GGA1: variants seen among roughly 807,000 people sequenced by gnomAD.
The protein encoded by GGA1 is golgi associated, gamma adaptin ear containing, ARF binding protein 1.
A neutral mutation model predicts 76.9 loss-of-function variants in GGA1; 18 were observed. The ratio of observed to expected loss-of-function variants is 0.23; its 90% CI spans 0.16 to 0.35. GGA1 has a LOEUF of 0.35. GGA1 is among the 10% of genes least tolerant of loss of function. The pLI, the probability that GGA1 is intolerant of heterozygous loss-of-function variation, is 1.00. For synonymous variants in GGA1, 342 were observed against 354.7 expected (o/e 0.96, Z 0.40); for missense variants, 755 against 859.0 (o/e 0.88, Z 1.51).
chr22:37,618,713 CCT>C (rs1929279480), intron 4 of GGA1, among the ~76,000 whole-genome samples, 167 bp downstream of exon 4: 1 of 152,170 alleles, frequency 6.6e-6, no homozygotes, highest in Non-Finnish European at 1.5e-5. Context: ...TTCTCACAGT[CCT>C]CTCATACCTG....
Position 37,619,213 on chromosome 22 carries a change from A to G in GGA1, c.303+667A>G, listed in dbSNP as rs553321356. Among the ~76,000 whole-genome samples, 32 of 149,868 alleles carry G rather than the reference A, an allele frequency of 2.1e-4. No individual in the cohort carries two copies. The South Asian group carries it at 6.6e-3, about 31-fold the overall frequency. On this transcript the variant is annotated intron_variant, in intron 4 of 16. Coordinates refer to ENST00000343632, the MANE Select transcript of GGA1 (RefSeq NM_013365.5). Reference sequence around the variant, plus strand: ...CCCAAGTAGCTGGGATTGCAGGTGCACGCCACCATGCCCGGCTAATTTTTT... The same window carrying G: ...CCCAAGTAGCTGGGATTGCAGGTGCGCGCCACCATGCCCGGCTAATTTTTT...
Position 37,623,187 on chromosome 22 carries a change from G to GC in GGA1, c.610-139dup, listed in dbSNP as rs952622852. 1.0e-4 allele frequency: 86 copies of GC among 829,110 alleles called. 1 individual carries two copies. The Admixed American group carries it at 1.4e-3, about 14-fold the overall frequency. The allele number at this position is 829,110 out of a possible 1,614,324, so 51.4% of individuals were successfully genotyped here. ...GCATGAGGGGCTCCTGGCAGGGCCT[G>GC]CTGGAGCCCCACCCAGAGTGTGATC... On this transcript the variant is annotated intron_variant, in intron 7 of 16. Coordinates refer to ENST00000343632, the MANE Select transcript of GGA1 (RefSeq NM_013365.5). This position sits in a 1 kb window ranked among gnomAD's most constrained non-coding sequence, Gnocchi z 4.6.
rs542109262 is a variant in GGA1 at position 37,632,960 on chromosome 22, T to C, written c.*249T>C. The C allele has an allele frequency of 3.7e-6, 2 of 534,452 alleles. No individual in the cohort carries two copies. The highest frequency in any genetic ancestry group is 6.8e-6 in the Non-Finnish European group (2 of 295,856). The allele number at this position is 534,452 out of a possible 1,614,324, so 33.1% of individuals were successfully genotyped here. A position where few individuals can be genotyped will look rare whatever the true frequency, so the allele number is the denominator to read the frequency against. ...CGCTGGGGTCTCCATCACCGGGACC[T>C]GGAGAGGGAGGGGCTGTGTAGCCTT... On this transcript the variant is annotated 3_prime_UTR_variant, in exon 17 of 17. Transcript: ENST00000343632. The surrounding 1 kb of genome is among the most constrained non-coding windows in gnomAD (Gnocchi z 5.1).
At position 37,608,885 on chromosome 22, in the gene GGA1, A is replaced by C; in HGVS notation, c.25A>C (p.Thr9Pro). 1 of 1,301,856 alleles carries C rather than the reference A, an allele frequency of 7.7e-7. No homozygotes were observed. Among genetic ancestry groups the C allele is most frequent in the Non-Finnish European group, 9.7e-7 (1 of 1,026,244 alleles). 80.6% of individuals were successfully genotyped at this position (1,301,856 alleles called of 1,614,324 possible). A position where few individuals can be genotyped will look rare whatever the true frequency, so the allele number is the denominator to read the frequency against. Residue 9 changes from threonine (T) to proline (P), a missense_variant, in exon 1 of 17, where the codon ACT (threonine) becomes CCT (proline). Transcript: ENST00000343632. MEPAMEPETLEARINRATN... is the reference protein window; with the variant it reads MEPAMEPEPLEARINRATN... ...GATGGAGCCCGCGATGGAGCCGGAG[A>C]CTCTGGAGGCGCGAATCAGTGAGTG...
intron 14 of GGA1, among the ~76,000 whole-genome samples, chr22:37,631,545 C>T (rs547367823): frequency 3.2e-4 from 48 of 152,334 alleles, no homozygotes; most frequent in African/African-American, 1.1e-3. Flanking sequence ...GCATTGCCCT[C>T]TATGAGCTCC....
chr22:37,615,861 G>A (rs944025354), intron 2 of GGA1, among the ~76,000 whole-genome samples: 2 of 150,616 alleles, frequency 1.3e-5, no homozygotes, highest in African/African-American at 4.9e-5. Context: ...TTTTTTTTGA[G>A]ATGGAGTCTC....
chr22:37,623,257 T>C lies in GGA1; in HGVS notation c.610-70T>C. On this transcript the variant is annotated intron_variant, in intron 7 of 16. Coordinates refer to ENST00000343632, the MANE Select transcript of GGA1 (RefSeq NM_013365.5). This position sits in a 1 kb window ranked among gnomAD's most constrained non-coding sequence, Gnocchi z 4.6. ...AACCCAGATCCCAGCACACATTCTC[T>C]CAAGTGGCAGGGGGCAGTGCCTCGT... 1 of 1,426,162 alleles carries C rather than the reference T, an allele frequency of 7.0e-7. No homozygotes were observed. The highest frequency in any genetic ancestry group is 9.9e-7 in the Non-Finnish European group (1 of 1,010,616). 88.3% of individuals were successfully genotyped at this position (1,426,162 alleles called of 1,614,324 possible). A position where few individuals can be genotyped will look rare whatever the true frequency, so the allele number is the denominator to read the frequency against.
In GGA1 at chr22:37,632,024, C is replaced by T. The variant is rs746964775; in HGVS notation, c.1557C>T (p.Asp519=). 2.2e-5 allele frequency: 36 copies of T among 1,612,682 alleles called. No individual in the cohort carries two copies. In the East Asian group the frequency reaches 8.0e-4, roughly 36 times the overall value. ...ACATCCTGCCCGTGACTGTGTATGACCAGCACGGCTTCCGCATCCTCTTCC... is the reference window on the plus strand; with the variant it reads ...ACATCCTGCCCGTGACTGTGTATGATCAGCACGGCTTCCGCATCCTCTTCC... ...PSNILPVTVY[D]QHGFRILFHF... The change falls in exon 15 of 17, where the codon GAC becomes GAT. Residue 519 remains aspartate (D), a synonymous_variant. Transcript: ENST00000343632. The surrounding 1 kb of genome is among the most constrained non-coding windows in gnomAD (Gnocchi z 5.1).
Position 37,623,242 on chromosome 22 carries a change from C to T in GGA1, c.610-85C>T. The T allele has an allele frequency of 1.5e-6, 2 of 1,309,244 alleles. No homozygotes were observed. Among genetic ancestry groups the T allele is most frequent in the Non-Finnish European group, 2.2e-6 (2 of 906,804 alleles). 81.1% of individuals were successfully genotyped at this position (1,309,244 alleles called of 1,614,324 possible). A position where few individuals can be genotyped will look rare whatever the true frequency, so the allele number is the denominator to read the frequency against. On this transcript the variant is annotated intron_variant, in intron 7 of 16. Transcript: ENST00000343632. This position sits in a 1 kb window ranked among gnomAD's most constrained non-coding sequence, Gnocchi z 4.6. ...AGTCACCCAGCTGTCAACCCAGATC[C>T]CAGCACACATTCTCTCAAGTGGCAG...
chr22:37,625,023 A>G lies in GGA1; in HGVS notation c.887A>G (p.Gln296Arg), dbSNP rs1449342581. ...NLTQVINLYK[Q>R]LVRGEEVNGD... Reference sequence around the variant, plus strand: ...ACCCAGGTGATCAACCTGTATAAGCAGCTGGTGCGGGGTGAGGAGGTCAAC... The same window carrying G: ...ACCCAGGTGATCAACCTGTATAAGCGGCTGGTGCGGGGTGAGGAGGTCAAC... The change falls in exon 10 of 17, where the codon CAG (glutamine) becomes CGG (arginine). Residue 296 changes from glutamine to arginine, a missense_variant. Transcript: ENST00000343632. This position sits in a 1 kb window ranked among gnomAD's most constrained non-coding sequence, Gnocchi z 4.1. 3 of 1,602,978 alleles carry G rather than the reference A, an allele frequency of 1.9e-6. No homozygotes were observed. Among genetic ancestry groups the G allele is most frequent in the Non-Finnish European group, 1.7e-6 (2 of 1,175,490 alleles).
intron 13 of GGA1, chr22:37,630,607 C>T (rs1480650435): frequency 2.1e-6 from 1 of 478,996 alleles, no homozygotes; most frequent in Non-Finnish European, 3.7e-6. Context: ...CACCCTGTCA[C>T]CCAGGCTGGA....
intron 5 of GGA1, 135 bp downstream of exon 5, chr22:37,620,496 C>A: frequency 1.1e-6 from 1 of 931,428 alleles, no homozygotes; most frequent in Non-Finnish European, 1.7e-6. Context: ...GGAGAAAGTA[C>A]ATACAGCTAG....
chr22:37,615,626 C>T (rs116616120), intron 2 of GGA1, among the ~76,000 whole-genome samples: 2,940 of 133,774 alleles, frequency 0.022, 103 homozygotes, highest in African/African-American at 0.078. Flanking sequence ...TAGCAAGGAG[C>T]GGTGGTGTGC....
chr22:37,612,093 T>C (rs1432462538), intron 1 of GGA1, among the ~76,000 whole-genome samples: 2 of 151,596 alleles, frequency 1.3e-5, no homozygotes, highest in African/African-American at 4.9e-5. Flanking sequence ...GAAGCTGAGA[T>C]TGCAGTGAGC....
intron 11 of GGA1, among the ~76,000 whole-genome samples, chr22:37,627,827 C>T (rs1020763973): frequency 1.3e-5 from 2 of 152,198 alleles, no homozygotes; most frequent in African/African-American, 4.8e-5. Context: ...GGCCCTGGGG[C>T]CACACAGGGG....
intron 7 of GGA1, among the ~76,000 whole-genome samples, chr22:37,621,935 G>A (rs1463990325): frequency 2.0e-5 from 3 of 151,118 alleles, no homozygotes; most frequent in Non-Finnish European, 4.4e-5. Flanking sequence ...AGTTAGAAAT[G>A]AATTAGGCCT....
chr22:37,630,689 C>T (rs1931643848), intron 13 of GGA1: 3 of 555,932 alleles, frequency 5.4e-6, no homozygotes, highest in African/African-American at 3.9e-5. Flanking sequence ...ACGTCAGGCT[C>T]CTGAGTAGCT....
intron 1 of GGA1, chr22:37,612,913 C>T (rs1928003504): frequency 1.0e-6 from 1 of 985,014 alleles, no homozygotes; most frequent in South Asian, 4.7e-5. Flanking sequence ...TACACCACTT[C>T]ATGTAGACCT....
chr22:37,620,454 C>G, intron 5 of GGA1, 93 bp downstream of exon 5: 3 of 1,361,954 alleles, frequency 2.2e-6, no homozygotes, highest in Non-Finnish European at 3.1e-6. Context: ...GCTTCTGAGC[C>G]AGCAAGGTCA....
Sources: gnomAD v4.1 joint callset for allele counts (sites outside exome capture counted in the v4.1 genomes callset) on GRCh38, gnomAD v4.1.1 for gene constraint, Gnocchi (gnomAD v3.1) non-coding constraint, MANE v1.5 for transcripts, NCBI Gene and HGNC (gene_info 2026-07-23, HGNC 2026-07-21) for gene names.